ACYP2: variants seen among roughly 807,000 people sequenced by gnomAD.
ACYP2 encodes acylphosphatase-2.
A neutral mutation model predicts 11.2 loss-of-function variants in ACYP2; 12 were observed. The observed-to-expected ratio is 1.08, with a 90% CI of 0.69 to 1.74. ACYP2 has a LOEUF of 1.74. Ranked by LOEUF, ACYP2 falls within the 40% of genes most tolerant of loss-of-function variation. ACYP2 has a pLI of 0.00. For synonymous variants in ACYP2, 43 were observed against 32.2 expected, an observed-to-expected ratio of 1.33 and a Z score of -1.13; for missense variants, 134 against 101.9, an observed-to-expected ratio of 1.31 and a Z score of -1.35.
chr2:54,115,840 T>A, intron 4 of ACYP2, 84 bp downstream of exon 1: 4 of 1,398,708 alleles, frequency 2.9e-6, no homozygotes, highest in Non-Finnish European at 3.8e-6. Flanking sequence ...CCACCTAAAG[T>A]ATGCCTTTTC....
intron 2 of ACYP2, among the ~76,000 whole-genome samples, chr2:54,033,929 T>C (rs11890838): frequency 0.34 from 51,746 of 152,120 alleles, 9,511 homozygotes; most frequent in South Asian, 0.53. Flanking sequence ...ATCATAATAT[T>C]TCAGACATCC....
chr2:53,983,267 A>G (rs1182701943), intron 2 of ACYP2, among the ~76,000 whole-genome samples: 1 of 152,190 alleles, frequency 6.6e-6, no homozygotes, highest in African/African-American at 2.4e-5. Flanking sequence ...GCACTTTGGT[A>G]GACCAAGGTA....
At chr2:54,272,576 A>G (rs1265423627) in intron 6 of ACYP2, among the ~76,000 whole-genome samples, 1 of 152,204 alleles carries the variant, frequency 6.6e-6, no homozygotes, top group African/African-American at 2.4e-5. Context: ...CAAACGATGG[A>G]GTAAGTGGCT....
chr2:54,037,877 G>A (rs1352088276), intron 2 of ACYP2, among the ~76,000 whole-genome samples: 1 of 152,166 alleles, frequency 6.6e-6, no homozygotes, highest in Non-Finnish European at 1.5e-5. Context: ...AATAAACTAT[G>A]AGAAACTTGG....
At chr2:54,298,791 G>T (rs1005982907) in intron 6 of ACYP2, among the ~76,000 whole-genome samples, 4 of 152,180 alleles carry the variant, frequency 2.6e-5, no homozygotes, top group Non-Finnish European at 1.5e-5. Flanking sequence ...TCACTCTGTC[G>T]CCTAGGCTGG....
intron 6 of ACYP2, among the ~76,000 whole-genome samples, chr2:54,232,869 C>T (rs1053069900): frequency 2.6e-5 from 4 of 152,142 alleles, no homozygotes; most frequent in African/African-American, 9.7e-5. Context: ...TCACCTCCCA[C>T]CAGGCCCCTC....
intron 6 of ACYP2, among the ~76,000 whole-genome samples, chr2:54,198,457 A>C (rs1684610052): frequency 6.6e-6 from 1 of 152,176 alleles, no homozygotes; most frequent in Admixed American, 6.5e-5. Flanking sequence ...TGGGGCCTCC[A>C]GCAAAATGAA....
At chr2:54,042,298 G>C (rs554309320) in intron 2 of ACYP2, among the ~76,000 whole-genome samples, 4 of 152,266 alleles carry the variant, frequency 2.6e-5, no homozygotes, top group South Asian at 4.1e-4. Context: ...GAGCCACCAC[G>C]CCCAGCCCAA....
At chr2:53,992,809 C>T (rs987854912) in intron 2 of ACYP2, among the ~76,000 whole-genome samples, 5 of 140,370 alleles carry the variant, frequency 3.6e-5, no homozygotes, top group East Asian at 4.1e-4. Context: ...CCAGCCTAGG[C>T]GACATAGTGA....
chr2:54,028,183 A>G (rs1256879421), intron 2 of ACYP2, among the ~76,000 whole-genome samples: 1 of 151,954 alleles, frequency 6.6e-6, no homozygotes, highest in Non-Finnish European at 1.5e-5. Flanking sequence ...GGCTATGGCA[A>G]TTTCTCAGAC....
At chr2:54,199,058 T>C (rs1032985094) in intron 6 of ACYP2, among the ~76,000 whole-genome samples, 7 of 152,192 alleles carry the variant, frequency 4.6e-5, no homozygotes, top group Non-Finnish European at 1.0e-4. Flanking sequence ...GAGGATATTA[T>C]AGGGTTTCTT....
At chr2:54,141,918 G>C (rs1226915772) in intron 6 of ACYP2, 1 of 615,150 alleles carries the variant, frequency 1.6e-6, no homozygotes, top group Admixed American at 2.2e-5. Flanking sequence ...ACTCACTGCA[G>C]CCTTGACCTT....
At chr2:54,292,048 T>C (rs566294461) in intron 6 of ACYP2, among the ~76,000 whole-genome samples, 1 of 152,012 alleles carries the variant, frequency 6.6e-6, no homozygotes, top group Non-Finnish European at 1.5e-5. Flanking sequence ...TTTAATTTTA[T>C]TTGAATGTAG....
intron 6 of ACYP2, among the ~76,000 whole-genome samples, chr2:54,183,981 A>G (rs1036019326): frequency 5.9e-5 from 9 of 152,216 alleles, no homozygotes; most frequent in Non-Finnish European, 1.2e-4. Flanking sequence ...CTAGAATCAC[A>G]AATTGGAAAC....
intron 6 of ACYP2, chr2:54,254,867 C>A: frequency 1.3e-6 from 2 of 1,563,314 alleles, no homozygotes; most frequent in Non-Finnish European, 8.6e-7. Flanking sequence ...AAGCTCAGGT[C>A]CAGCTGGTGG....
intron 6 of ACYP2, chr2:54,256,375 AATG>A (rs1194752651): frequency 7.2e-6 from 4 of 557,330 alleles, no homozygotes; most frequent in East Asian, 3.1e-5. Context: ...CTGGATGAGT[AATG>A]ATATTACATG....
intron 4 of ACYP2, among the ~76,000 whole-genome samples, chr2:54,065,098 A>C (rs1470194880): frequency 1.1e-5 from 1 of 87,508 alleles, no homozygotes; most frequent in African/African-American, 3.2e-5. Flanking sequence ...TAAATAAATA[A>C]ATAAATAAAT....
At chr2:54,270,841 A>G (rs1383790001) in intron 6 of ACYP2, among the ~76,000 whole-genome samples, 2 of 152,188 alleles carry the variant, frequency 1.3e-5, no homozygotes, top group Non-Finnish European at 2.9e-5. Flanking sequence ...GTGGAATTTC[A>G]ATATTTAACA....
At chr2:54,280,099 T>C (rs970093712) in intron 6 of ACYP2, among the ~76,000 whole-genome samples, 1 of 151,894 alleles carries the variant, frequency 6.6e-6, no homozygotes, top group Non-Finnish European at 1.5e-5. Context: ...GATAGGAAAG[T>C]TACAAATCTG....
Sources: gnomAD v4.1 joint callset for allele counts (sites outside exome capture counted in the v4.1 genomes callset) on GRCh38, gnomAD v4.1.1 for gene constraint, MANE v1.5 for transcripts, NCBI Gene and HGNC (gene_info 2026-07-23, HGNC 2026-07-21) for gene names.